Variants in DLG2 observed in about 807,000 individuals in gnomAD.
DLG2 encodes the protein discs large MAGUK scaffold protein 2, also known as disks large homolog 2.
DLG2 carries 45 observed loss-of-function variants against 132.5 expected under a neutral mutation model. The ratio of observed to expected loss-of-function variants is 0.34; its 90% CI spans 0.27 to 0.44. The LOEUF is 0.44. Ranked by LOEUF, DLG2 falls within the 20% of genes least tolerant of loss-of-function variation. The probability of loss-of-function intolerance (pLI) is 1.00; values close to 1 mark genes in which losing one functional copy is unlikely to be tolerated. For missense variants in DLG2, 1,045 were observed against 1,196.9 expected (o/e 0.87, Z 1.87); for synonymous variants, 424 against 419.6 (o/e 1.01, Z -0.13).
chr11:83,962,988 C>T lies in DLG2; in HGVS notation c.1237G>A (p.Gly413Ser). 1 of 1,612,868 alleles carries T rather than the reference C, an allele frequency of 6.2e-7. No individual in the cohort carries two copies. The highest frequency in any genetic ancestry group is 1.1e-5 in the South Asian group (1 of 91,054). ...TTATATTCTAAAGTGCCATTGTTGC[C>T]AGAGAGTAGATGGTTTTCCATTGGT... The part of the protein sequence containing the change: ...SPPMENHLLS[G>S]NNGTLEYKTS... The change falls in exon 14 of 28, where the codon GGC (glycine) becomes AGC (serine). Residue 413 changes from glycine to serine, a missense_variant. Physicochemically the swap from Gly to Ser is moderately conservative, Grantham distance 56 (BLOSUM62 0). Transcript: ENST00000376104.
At chr11:84,102,011 T>A (rs1201830808) in intron 9 of DLG2, among the ~76,000 whole-genome samples, 1 of 152,156 alleles carries the variant, frequency 6.6e-6, no homozygotes, top group Non-Finnish European at 1.5e-5. Flanking sequence ...GACCTCACTA[T>A]AATTCATCTA....
intron 8 of DLG2, among the ~76,000 whole-genome samples, chr11:84,230,413 G>C (rs2097075141): frequency 6.6e-6 from 1 of 152,120 alleles, no homozygotes; most frequent in South Asian, 2.1e-4. Context: ...CATCTAGCTT[G>C]CCGCATGATA....
chr11:85,516,754 T>G (rs910737395), intron 3 of DLG2, among the ~76,000 whole-genome samples: 3 of 151,662 alleles, frequency 2.0e-5, no homozygotes, highest in African/African-American at 7.3e-5. Context: ...AAGACCAAAA[T>G]GAGTAGTGAG....
Position 84,737,502 on chromosome 11 carries a change from C to CAGAG in DLG2, c.358-202775_358-202772dup, listed in dbSNP as rs34535735. Among the ~76,000 whole-genome samples the CAGAG allele has an allele frequency of 6.1e-3, 897 of 147,078 alleles. 5 individuals carry two copies. The highest frequency in any genetic ancestry group is 0.01 in the African/African-American group (400 of 39,872). ...GTCAAGAGAGAGAGAAAGAAAGAGA[C>CAGAG]AGAGAGAGAGAGAGAGAGAGAGAGA... On this transcript the variant is annotated intron_variant, in intron 6 of 27. Coordinates refer to ENST00000376104, the MANE Select transcript of DLG2 (RefSeq NM_001142699.3).
chr11:83,986,747 C>T (rs957961823), intron 11 of DLG2, among the ~76,000 whole-genome samples: 9 of 152,032 alleles, frequency 5.9e-5, no homozygotes, highest in African/African-American at 2.2e-4. Context: ...TTAATGATCG[C>T]CATTCTAACT....
Position 84,763,801 on chromosome 11 carries a change from T to A in DLG2, c.358-229070A>T, listed in dbSNP as rs372385774. Among the ~76,000 whole-genome samples, 8 of 152,324 alleles carry A rather than the reference T, an allele frequency of 5.3e-5. No individual in the cohort carries two copies. The East Asian group carries it at 1.2e-3, about 22-fold the overall frequency. On this transcript the variant is annotated intron_variant, in intron 6 of 27. Transcript: ENST00000376104. ...TATAGTGGAATTCAATGTAAGAGTA[T>A]TAACTGATCTATAAAATGTTTCACA... is the stretch of plus-strand genomic sequence containing the variant.
intron 14 of DLG2, among the ~76,000 whole-genome samples, chr11:83,950,370 G>A (rs996355002): frequency 1.3e-5 from 2 of 152,176 alleles, no homozygotes; most frequent in East Asian, 1.9e-4. Context: ...TGAGGTGGGT[G>A]GATCACTTCA....
chr11:84,099,192 C>A (rs1464641756), intron 9 of DLG2, 145 bp from the exon 10 acceptor site: 2 of 676,422 alleles, frequency 3.0e-6, no homozygotes, highest in East Asian at 5.7e-5. Flanking sequence ...GCACAGTTAG[C>A]AGACAAAGGA....
At chr11:84,964,233 C>T (rs1365175190) in intron 6 of DLG2, among the ~76,000 whole-genome samples, 1 of 151,996 alleles carries the variant, frequency 6.6e-6, no homozygotes, top group Non-Finnish European at 1.5e-5. Flanking sequence ...ATCTTTGTGA[C>T]CTCTTTGGTT....
rs560337172 is a variant in DLG2, at chr11:84,253,928, C to A, written c.520-2637G>T. The stretch of plus-strand genomic sequence containing the variant: ...GTCAGCCCTATACTAGAGTACCATA[C>A]AAGAACTAGACAAAGCAAAGACCAC... On this transcript the variant is annotated intron_variant, in intron 7 of 27. Coordinates refer to ENST00000376104, the MANE Select transcript of DLG2 (RefSeq NM_001142699.3). 4.6e-5 allele frequency among the ~76,000 whole-genome samples: 7 copies of A among 152,210 alleles called. No homozygotes were observed. The East Asian group carries it at 1.4e-3, about 29-fold the overall frequency.
intron 6 of DLG2, among the ~76,000 whole-genome samples, chr11:84,640,887 C>G (rs1355094716): frequency 6.6e-6 from 1 of 150,424 alleles, no homozygotes; most frequent in African/African-American, 2.5e-5. Flanking sequence ...TTGCAGTGAG[C>G]TGCGATCAGG....
At chr11:85,176,973 T>C (rs1424635975) in intron 4 of DLG2, among the ~76,000 whole-genome samples, 1 of 152,104 alleles carries the variant, frequency 6.6e-6, no homozygotes, top group African/African-American at 2.4e-5. Context: ...CTGGCTTGGT[T>C]GTGGAGAAAA....
intron 6 of DLG2, among the ~76,000 whole-genome samples, chr11:84,655,108 C>G (rs2099686604): frequency 1.3e-5 from 2 of 152,216 alleles, no homozygotes; most frequent in South Asian, 4.2e-4. Context: ...AAAATGCTGA[C>G]CAGCTGTGAA....
intron 11 of DLG2, among the ~76,000 whole-genome samples, chr11:84,001,224 A>T (rs2094328788): frequency 6.6e-6 from 1 of 151,914 alleles, no homozygotes; most frequent in African/African-American, 2.4e-5. Flanking sequence ...AAACACATGA[A>T]GACACAAAAT....
chr11:84,037,301 C>T (rs1427052565), intron 11 of DLG2, among the ~76,000 whole-genome samples: 1 of 152,088 alleles, frequency 6.6e-6, no homozygotes, highest in Non-Finnish European at 1.5e-5. Context: ...CTTCTCCACA[C>T]ACTGCTTCAA....
intron 7 of DLG2, among the ~76,000 whole-genome samples, chr11:84,345,794 A>T (rs911294541): frequency 6.6e-6 from 1 of 152,200 alleles, no homozygotes; most frequent in African/African-American, 2.4e-5. Flanking sequence ...GCAAATAAAG[A>T]TTTATTGGAA....
At chr11:84,249,996 C>T (rs17499309) in intron 8 of DLG2, among the ~76,000 whole-genome samples, 9,205 of 152,200 alleles carry the variant, frequency 0.06, 277 homozygotes, top group African/African-American at 0.075. Context: ...GGCTGAGTCC[C>T]GGATTGCAGA....
At chr11:83,903,358 AT>A (rs1454208945) in intron 15 of DLG2, among the ~76,000 whole-genome samples, 1 of 152,142 alleles carries the variant, frequency 6.6e-6, no homozygotes, top group African/African-American at 2.4e-5. Flanking sequence ...TATCAAGAAT[AT>A]TTGAAGGTAG....
chr11:83,686,337 C>A (rs903686576), intron 18 of DLG2, among the ~76,000 whole-genome samples: 4 of 152,204 alleles, frequency 2.6e-5, no homozygotes, highest in Middle Eastern at 3.4e-3. Context: ...ATCTCTCCCT[C>A]TTATTAGACT....
Sources: gnomAD v4.1 joint callset for allele counts (sites outside exome capture counted in the v4.1 genomes callset) on GRCh38, gnomAD v4.1.1 for gene constraint, MANE v1.5 for transcripts, NCBI Gene and HGNC (gene_info 2026-07-23, HGNC 2026-07-21) for gene names.